Variants in KANK1 observed in about 807,000 individuals in gnomAD.
KANK1 encodes KN motif and ankyrin repeat domains 1, also known as KN motif and ankyrin repeat domain-containing protein 1.
In KANK1, 109 loss-of-function variants were observed where a neutral mutation model predicts 106.2. That is an observed-to-expected ratio of 1.03 (90% confidence interval 0.88 to 1.20). KANK1 has a LOEUF of 1.20. Among genes scored for constraint, KANK1 ranks in the 50% most tolerant of loss-of-function variants. The probability of loss-of-function intolerance (pLI) is 0.00; values close to 1 mark genes in which losing one functional copy is unlikely to be tolerated. For missense variants in KANK1, 2,399 were observed against 1,710.7 expected (o/e 1.40, Z -7.10); for synonymous variants, 873 against 652.2 (o/e 1.34, Z -5.16).
chr9:688,210 A>G (rs1174721148), intron 2 of KANK1, among the ~76,000 whole-genome samples: 3 of 152,202 alleles, frequency 2.0e-5, no homozygotes, highest in Non-Finnish European at 2.9e-5. Flanking sequence ...GGGTGAACAG[A>G]TGGCTTTTAC....
At position 712,959 on chromosome 9, in the gene KANK1, C is replaced by T. The variant is rs751430726; in HGVS notation, c.2193C>T (p.Thr731=). ...EGRVKDINSS[T]KTRSIGVGTL... Reference sequence around the variant, plus strand: ...GTGTCAAGGACATCAACTCCTCCACCAAGACGCGGTCCATTGGTGTTGGAA... The same window carrying T: ...GTGTCAAGGACATCAACTCCTCCACTAAGACGCGGTCCATTGGTGTTGGAA... Residue 731 remains threonine, a synonymous_variant, in exon 3 of 12, where the codon ACC becomes ACT. Transcript: ENST00000382297. 6 of 1,614,062 alleles carry T rather than the reference C, an allele frequency of 3.7e-6. No individual in the cohort carries two copies. In the East Asian group the frequency reaches 1.3e-4, roughly 36 times the overall value.
intron 1 of KANK1, chr9:660,138 C>CT (rs934110951): frequency 6.5e-5 from 23 of 354,848 alleles, no homozygotes; most frequent in African/African-American, 4.8e-4. Flanking sequence ...CAAGGGACTG[C>CT]TGATGATTAT....
intron 1 of KANK1, among the ~76,000 whole-genome samples, chr9:675,620 A>G (rs769783502): frequency 4.6e-5 from 7 of 152,150 alleles, no homozygotes; most frequent in Non-Finnish European, 7.3e-5. Flanking sequence ...ATATTGCCCA[A>G]TGTGGACCCC....
chr9:518,072 T>A (rs2059372410), intron 1 of KANK1, among the ~76,000 whole-genome samples: 1 of 151,658 alleles, frequency 6.6e-6, no homozygotes, highest in Non-Finnish European at 1.5e-5. Flanking sequence ...CCAAATGATC[T>A]GATAAAGTAG....
intron 3 of KANK1, among the ~76,000 whole-genome samples, chr9:493,389 G>A (rs993427889): frequency 2.0e-5 from 3 of 151,992 alleles, no homozygotes; most frequent in African/African-American, 7.3e-5. Context: ...ACCAGCCCTG[G>A]TCAAGGTTTC....
chr9:708,349 AAG>A (rs1824892976), intron 2 of KANK1, among the ~76,000 whole-genome samples: 1 of 152,244 alleles, frequency 6.6e-6, no homozygotes, highest in Admixed American at 6.5e-5. Context: ...TTAAAAGGGA[AAG>A]AGAGAAGGAC....
intron 1 of KANK1, among the ~76,000 whole-genome samples, chr9:512,368 A>G (rs957265051): frequency 2.6e-5 from 4 of 152,128 alleles, no homozygotes; most frequent in Admixed American, 2.0e-4. Context: ...AGAGTCTAGA[A>G]GAAGACTGAA....
chr9:494,244 A>G (rs1042793631), intron 3 of KANK1, among the ~76,000 whole-genome samples: 3 of 152,224 alleles, frequency 2.0e-5, no homozygotes, highest in Non-Finnish European at 2.9e-5. Flanking sequence ...GCCCAATTCT[A>G]TCATTTTTGA....
intron 1 of KANK1, among the ~76,000 whole-genome samples, chr9:518,558 T>A (rs2059401349): frequency 6.6e-6 from 1 of 151,806 alleles, no homozygotes; most frequent in Non-Finnish European, 1.5e-5. Context: ...ATGTTTTCTT[T>A]GCTTCTTTGT....
At chr9:655,042 C>T (rs760405907) in intron 1 of KANK1, among the ~76,000 whole-genome samples, 3 of 152,024 alleles carry the variant, frequency 2.0e-5, no homozygotes, top group Admixed American at 1.3e-4. Context: ...GAGATTAGTT[C>T]AATTGGTCTT....
intron 2 of KANK1, chr9:706,990 G>A (rs1464683511): frequency 2.0e-6 from 2 of 985,350 alleles, no homozygotes; most frequent in African/African-American, 3.5e-5. Flanking sequence ...GAAGATACCG[G>A]TTTCCTGTTT....
At chr9:504,405 GGC>G (rs1261772612), upstream of KANK1, among the ~76,000 whole-genome samples, 4 of 151,704 alleles carry the variant, frequency 2.6e-5, no homozygotes, top group Non-Finnish European at 5.9e-5. Flanking sequence ...GAGTTGCAGC[GGC>G]GCGCAGGCGC....
rs36028136 is a variant in KANK1, at chr9:646,693, CT to C, written c.-83-30182del. Among the ~76,000 whole-genome samples, 540 of 138,362 alleles carry C rather than the reference CT, an allele frequency of 3.9e-3. 1 individual carries two copies. The highest frequency in any genetic ancestry group is 3.9e-3 in the Non-Finnish European group (248 of 63,982). 90.8% of individuals were successfully genotyped at this position (138,362 alleles called of 152,430 possible). On this transcript the variant is annotated intron_variant, in intron 1 of 11. Coordinates refer to ENST00000382297, the MANE Select transcript of KANK1 (RefSeq NM_015158.5). ...CTGATCATTTTTGTTTTTTAAGTAT[CT>C]TTTTTTTTTTTTTTAAAGACAGTCT...
At chr9:626,011 G>A (rs1834260504) in intron 1 of KANK1, among the ~76,000 whole-genome samples, 1 of 152,034 alleles carries the variant, frequency 6.6e-6, no homozygotes, top group Non-Finnish European at 1.5e-5. Context: ...TTTGCCATTT[G>A]TGCATTCTAC....
Position 740,793 on chromosome 9 carries a change from T to C in KANK1, c.3555T>C (p.Asp1185=), listed in dbSNP as rs1172256473. 1 of 1,604,592 alleles carries C rather than the reference T, an allele frequency of 6.2e-7. No homozygotes were observed. Among genetic ancestry groups the C allele is most frequent in the Non-Finnish European group, 8.5e-7 (1 of 1,177,560 alleles). Residue 1185 remains aspartate (D), a splice_region_variant and synonymous_variant, in exon 9 of 12, where the codon GAT becomes GAC. Transcript: ENST00000382297. ...FEIVKLLLDA[D]VCNVDHQNKA... is the part of the protein sequence containing the mutation. Reference sequence around the variant, plus strand: ...ACTTTTTTTTTTTTTTTTTTACAGATGTGTGTAATGTGGATCACCAGAACA... The same window carrying C: ...ACTTTTTTTTTTTTTTTTTTACAGACGTGTGTAATGTGGATCACCAGAACA...
chr9:597,692 C>A (rs923365576), intron 1 of KANK1, among the ~76,000 whole-genome samples: 1 of 150,858 alleles, frequency 6.6e-6, no homozygotes, highest in African/African-American at 2.5e-5. Flanking sequence ...TAGACAGAGT[C>A]TTGCTCTGTT....
chr9:628,831 C>A (rs980556356), intron 1 of KANK1, among the ~76,000 whole-genome samples: 1 of 152,078 alleles, frequency 6.6e-6, no homozygotes, highest in East Asian at 1.9e-4. Context: ...GTAATCCTAG[C>A]ATTTTGGGAG....
intron 2 of KANK1, chr9:693,418 C>G (rs1820468985): frequency 1.0e-6 from 1 of 985,230 alleles, no homozygotes; most frequent in Non-Finnish European, 1.2e-6. Context: ...CTGATTTCTT[C>G]CTAGAATTAA....
intron 1 of KANK1, among the ~76,000 whole-genome samples, chr9:530,974 T>A (rs551630616): frequency 4.6e-5 from 7 of 152,228 alleles, no homozygotes; most frequent in East Asian, 1.9e-4. Flanking sequence ...AAAATAATTT[T>A]AAAAAATGAA....
Sources: gnomAD v4.1 joint callset for allele counts (sites outside exome capture counted in the v4.1 genomes callset) on GRCh38, gnomAD v4.1.1 for gene constraint, MANE v1.5 for transcripts, NCBI Gene and HGNC (gene_info 2026-07-23, HGNC 2026-07-21) for gene names.